DGKZ: variants seen among roughly 807,000 people sequenced by gnomAD.
The protein encoded by DGKZ is diacylglycerol kinase zeta, also known as DAG kinase zeta.
In DGKZ, 45 loss-of-function variants were observed where a neutral mutation model predicts 142.5. The observed-to-expected ratio is 0.32, with a 90% CI of 0.25 to 0.40. The LOEUF (loss-of-function observed/expected upper bound fraction) is 0.40, where lower values mean the gene tolerates loss of function less well. DGKZ is among the 10% of genes least tolerant of loss of function. DGKZ has a pLI of 1.00. For missense variants in DGKZ, 755 were observed against 1,306.5 expected, an observed-to-expected ratio of 0.58 and a Z score of 6.51; for synonymous variants, 442 against 527.0, an observed-to-expected ratio of 0.84 and a Z score of 2.21.
At chr11:46,375,020 T>G (rs1590623290) in exon 19 of DGKZ, 2 of 1,607,016 alleles carry the variant, frequency 1.2e-6, no homozygotes, top group Admixed American at 3.3e-5. Flanking sequence ...TACCTCGAGG[T>G]CATTGGCTTC....
chr11:46,375,916 C>A lies in DGKZ; in HGVS notation c.1976C>A (p.Ala659Asp). The change falls in exon 21 of 31, where the codon GCC (alanine) becomes GAC (aspartate). Residue 659 changes from alanine to aspartate, a missense_variant. Ala to Asp is a moderately radical substitution (Grantham distance 126, BLOSUM62 -2). This residue lies in a region of DGKZ where 114 missense variants were observed against 180.9 expected (regional missense o/e 0.63). Coordinates refer to ENST00000527911, the Ensembl canonical transcript of DGKZ. Reference sequence around the variant, plus strand: ...CGCGTCAGCATGCACGACTATGAGGCCCTGCACTACGACAAGGAGCAGCTC... The same window carrying A: ...CGCGTCAGCATGCACGACTATGAGGACCTGCACTACGACAAGGAGCAGCTC... The A allele has an allele frequency of 1.9e-6, 3 of 1,600,338 alleles. No individual in the cohort carries two copies. Among genetic ancestry groups the A allele is most frequent in the Non-Finnish European group, 2.6e-6 (3 of 1,174,076 alleles).
chr11:46,359,016 A>G (rs1443039196), intron 1 of DGKZ, among the ~76,000 whole-genome samples: 1 of 151,640 alleles, frequency 6.6e-6, no homozygotes, highest in Non-Finnish European at 1.5e-5. Context: ...GGTGGTGCAC[A>G]CCTGTAATCC....
chr11:46,378,820 CCCT>C lies in DGKZ; in HGVS notation c.2419-165_2419-163del, dbSNP rs1944867687. ...GCCCACAGGCTGTGGGGTGAGAGGC[CCCT>C]CCTCCGGTGTGCTCCAGAGAGACCC... On this transcript the variant is annotated intron_variant, in intron 27 of 30. Transcript: ENST00000527911. 3.4e-6 allele frequency: 4 copies of C among 1,159,760 alleles called. No homozygotes were observed. The South Asian group carries it at 4.3e-5, about 13-fold the overall frequency. The allele number at this position is 1,159,760 out of a possible 1,614,324, so 71.8% of individuals were successfully genotyped here.
chr11:46,350,418 CA>C (rs1941220139), intron 1 of DGKZ, among the ~76,000 whole-genome samples: 1 of 151,998 alleles, frequency 6.6e-6, no homozygotes, highest in Admixed American at 6.6e-5. Context: ...ACCAGCCCTT[CA>C]TCTTATCCCA....
In DGKZ at chr11:46,372,669, G is replaced by A; in HGVS notation, c.1063G>A (p.Asp355Asn). 2 of 1,613,402 alleles carry A rather than the reference G, an allele frequency of 1.2e-6. No individual in the cohort carries two copies. Among genetic ancestry groups the A allele is most frequent in the Non-Finnish European group, 1.7e-6 (2 of 1,179,942 alleles). The change falls in exon 12 of 31, where the codon GAC (aspartate) becomes AAC (asparagine). Residue 355 changes from aspartate (D) to asparagine (N), a missense_variant. Asp to Asn is a conservative substitution (Grantham distance 23). This residue lies in a region of DGKZ where 191 missense variants were observed against 472.1 expected (regional missense o/e 0.40). Transcript: ENST00000527911. This position sits in a 1 kb window ranked among gnomAD's most constrained non-coding sequence, Gnocchi z 5.9. The stretch of plus-strand genomic sequence containing the variant: ...CCTGCGGATCCTGGCGTGCGGGGGC[G>A]ACGGCACGGTGAGCTCCCCGCATGG...
chr11:46,373,250 C>A, intron 14 of DGKZ, 149 bp downstream of exon 14: 1 of 745,158 alleles, frequency 1.3e-6, no homozygotes, highest in Non-Finnish European at 1.9e-6. Context: ...TAGTACTTGC[C>A]TCACAAGATG....
chr11:46,337,526 C>A (rs1448494965), intron 1 of DGKZ, among the ~76,000 whole-genome samples: 1 of 151,958 alleles, frequency 6.6e-6, no homozygotes, highest in Non-Finnish European at 1.5e-5. Context: ...AAACTCCTGA[C>A]CTCAGGTGAT....
intron 5 of DGKZ, 93 bp downstream of exon 5, chr11:46,369,643 C>T (rs1249138109): frequency 2.6e-6 from 4 of 1,511,414 alleles, no homozygotes; most frequent in Admixed American, 3.4e-5. Context: ...GGGGGCTCGG[C>T]TCCCTCTAGG....
At chr11:46,348,060 C>T (rs1940887578) in intron 1 of DGKZ, among the ~76,000 whole-genome samples, 1 of 152,116 alleles carries the variant, frequency 6.6e-6, no homozygotes, top group Non-Finnish European at 1.5e-5. Flanking sequence ...GGGGTCATTC[C>T]CTGGCACCGG....
intron 7 of DGKZ, 51 bp downstream of exon 7, chr11:46,371,435 G>A: frequency 1.2e-6 from 2 of 1,608,790 alleles, no homozygotes; most frequent in South Asian, 1.1e-5. Flanking sequence ...CTGGGTTTGG[G>A]TCCCCGAGTC....
Position 46,366,669 on chromosome 11 carries a change from C to G in DGKZ, c.162-622C>G, listed in dbSNP as rs1015754656. 9 of 1,589,442 alleles carry G rather than the reference C, an allele frequency of 5.7e-6. No homozygotes were observed. In the Admixed American group the frequency reaches 8.9e-5, roughly 16 times the overall value. On this transcript the variant is annotated intron_variant, in intron 1 of 30. Coordinates refer to ENST00000527911, the Ensembl canonical transcript of DGKZ. ...GCATCGAGCGCCATCCAGCCAGGCA[C>G]CAAGACACCAGGGCCACCCCCACCT... is the stretch of plus-strand genomic sequence containing the variant.
At chr11:46,374,513 C>A in intron 16 of DGKZ, 59 bp downstream of exon 16, 1 of 1,613,204 alleles carries the variant, frequency 6.2e-7, no homozygotes, top group Non-Finnish European at 8.5e-7. Context: ...TGCCCGTGCC[C>A]ACCTGTGTCC....
intron 1 of DGKZ, chr11:46,333,542 G>A: frequency 1.4e-6 from 2 of 1,477,846 alleles, no homozygotes; most frequent in Non-Finnish European, 1.8e-6. Flanking sequence ...CCCTCTTGCA[G>A]GCGTCATTGC....
In DGKZ at chr11:46,372,246, C is replaced by A; in HGVS notation, c.927+76C>A. 1.4e-6 allele frequency: 2 copies of A among 1,439,136 alleles called. No homozygotes were observed. Among genetic ancestry groups the A allele is most frequent in the Non-Finnish European group, 1.9e-6 (2 of 1,059,202 alleles). 89.1% of individuals were successfully genotyped at this position (1,439,136 alleles called of 1,614,324 possible). On this transcript the variant is annotated intron_variant, in intron 10 of 30. Coordinates refer to ENST00000527911, the Ensembl canonical transcript of DGKZ. The surrounding 1 kb of genome is among the most constrained non-coding windows in gnomAD (Gnocchi z 5.9). ...CAGCCCGTCTGCCAGCAGCTGTTCC[C>A]AGAGCCCGTTTCTGGCTTCTACCCC...
At chr11:46,374,431 C>T in exon 16 of DGKZ, 1 of 1,614,092 alleles carries the variant, frequency 6.2e-7, no homozygotes, top group Non-Finnish European at 8.5e-7. Flanking sequence ...CAGCCGCTTT[C>T]GGAATAAGAT....
At chr11:46,371,875 G>A (rs1943987230) in intron 9 of DGKZ, 100 bp downstream of exon 9, 3 of 1,434,870 alleles carry the variant, frequency 2.1e-6, no homozygotes, top group Non-Finnish European at 2.9e-6. Context: ...GCCAGCTGGT[G>A]GGGGTCTGTG....
rs931882280 is a variant in DGKZ at position 46,333,339 on chromosome 11, G to A, written c.64G>A (p.Glu22Lys). 5 of 1,348,378 alleles carry A rather than the reference G, an allele frequency of 3.7e-6. No homozygotes were observed. The South Asian group carries it at 7.4e-5, about 20-fold the overall frequency. 83.5% of individuals were successfully genotyped at this position (1,348,378 alleles called of 1,614,324 possible). The change falls in exon 1 of 31, where the codon GAG becomes AAG. Residue 22 changes from glutamate (E) to lysine (K), a missense_variant. Physicochemically the swap from Glu to Lys is moderately conservative, Grantham distance 56. Transcript: ENST00000343674. ...CTGGGCTGGCGGCGGCCGGGCAGCC[G>A]AGGAGGAGGTGGTGCGGCGGCGATG...
Position 46,372,376 on chromosome 11 carries a change from C to T in DGKZ, c.928-52C>T. 1 of 1,591,850 alleles carries T rather than the reference C, an allele frequency of 6.3e-7. No individual in the cohort carries two copies. The highest frequency in any genetic ancestry group is 1.1e-5 in the South Asian group (1 of 90,566). ...TCACACCCCTCTCCCTCTGCTGCTC[C>T]CACTTCGTCCCACCACTGCCTGACT... On this transcript the variant is annotated intron_variant, in intron 10 of 30. Coordinates refer to ENST00000527911, the Ensembl canonical transcript of DGKZ. This position sits in a 1 kb window ranked among gnomAD's most constrained non-coding sequence, Gnocchi z 5.9.
intron 1 of DGKZ, among the ~76,000 whole-genome samples, chr11:46,353,561 G>T (rs569027672): frequency 6.6e-6 from 1 of 152,202 alleles, no homozygotes; most frequent in African/African-American, 2.4e-5. Context: ...TGGGTCTGGC[G>T]TGGAGGACAA....
Sources: allele counts gnomAD v4.1 joint callset (sites outside exome capture counted in the v4.1 genomes callset), GRCh38; gene constraint gnomAD v4.1.1; regional missense constraint gnomAD v4.1.1; non-coding constraint Gnocchi (gnomAD v3.1); transcripts MANE v1.5; gene names NCBI Gene and HGNC (gene_info 2026-07-23, HGNC 2026-07-21).